Variants in ANO3 observed in about 807,000 individuals in gnomAD.
ANO3 encodes anoctamin 3.
Under a neutral mutation model 144.8 loss-of-function variants are expected in ANO3, and 99 were observed. The ratio of observed to expected loss-of-function variants is 0.68; its 90% CI spans 0.58 to 0.81. The LOEUF is 0.81. Among genes scored for constraint, ANO3 ranks in the 30% least tolerant of loss-of-function variants. The pLI is 0.00. For missense variants in ANO3, 905 were observed against 1,202.2 expected (o/e 0.75, Z 3.66); for synonymous variants, 414 against 392.6 (o/e 1.05, Z -0.64).
chr11:26,564,730 CACATATATATATATATATATATATATAT>C (rs1324673340), intron 14 of ANO3, among the ~76,000 whole-genome samples: 10 of 24,014 alleles, frequency 4.2e-4, no homozygotes, highest in Non-Finnish European at 7.1e-4. Flanking sequence ...CACACACACA[CACATATATATATATATATATATATATAT>C]ATATATATAT....
intron 1 of ANO3, among the ~76,000 whole-genome samples, chr11:26,258,398 A>G (rs1418152166): frequency 6.6e-6 from 1 of 152,180 alleles, no homozygotes; most frequent in Non-Finnish European, 1.5e-5. Flanking sequence ...TCTCTGCTCA[A>G]CATTGTGCTA....
intron 23 of ANO3, among the ~76,000 whole-genome samples, chr11:26,644,404 A>G (rs1332840509): frequency 5.3e-5 from 8 of 152,212 alleles, no homozygotes; most frequent in African/African-American, 1.9e-4. Flanking sequence ...GTACTTTGCT[A>G]TTATAAACAA....
At chr11:26,627,292 T>C (rs1308685109) in intron 18 of ANO3, among the ~76,000 whole-genome samples, 2 of 151,820 alleles carry the variant, frequency 1.3e-5, no homozygotes, top group African/African-American at 2.4e-5. Context: ...TGTTCTCTCT[T>C]CTTCTTCTCC....
intron 1 of ANO3, among the ~76,000 whole-genome samples, chr11:26,358,695 A>G (rs989424217): frequency 6.6e-6 from 1 of 152,060 alleles, no homozygotes; most frequent in African/African-American, 2.4e-5. Context: ...TAGTTTTTTA[A>G]TATCCCCCTT....
chr11:26,591,783 G>A (rs1417622481), intron 14 of ANO3, among the ~76,000 whole-genome samples: 1 of 152,158 alleles, frequency 6.6e-6, no homozygotes, highest in Non-Finnish European at 1.5e-5. Flanking sequence ...TTGAAGAGCA[G>A]GTGCAGATCC....
intron 1 of ANO3, among the ~76,000 whole-genome samples, chr11:26,430,434 C>T (rs1858053362): frequency 6.6e-6 from 1 of 151,998 alleles, no homozygotes; most frequent in Non-Finnish European, 1.5e-5. Context: ...TAAAATTGCA[C>T]AATTCTAAAA....
chr11:26,196,380 T>G (rs1851590123), intron 1 of ANO3, among the ~76,000 whole-genome samples: 2 of 152,150 alleles, frequency 1.3e-5, no homozygotes, highest in African/African-American at 2.4e-5. Flanking sequence ...TAAGCACAAC[T>G]CAGCATTTTA....
intron 1 of ANO3, among the ~76,000 whole-genome samples, chr11:26,382,487 A>T (rs958195194): frequency 6.6e-6 from 1 of 152,168 alleles, no homozygotes; most frequent in Non-Finnish European, 1.5e-5. Context: ...TCAGATAAAA[A>T]GAATTGCAGA....
At chr11:26,189,383 T>G (rs969980101) in intron 1 of ANO3, 2 of 912,694 alleles carry the variant, frequency 2.2e-6, no homozygotes, top group Non-Finnish European at 2.6e-6. Context: ...ATGTTTGTAC[T>G]TCTTTAATGT....
intron 1 of ANO3, among the ~76,000 whole-genome samples, chr11:26,276,731 A>C (rs1853568173): frequency 6.6e-6 from 1 of 152,122 alleles, no homozygotes; most frequent in African/African-American, 2.4e-5. Flanking sequence ...ACATAAAAAT[A>C]AAATTGGTTA....
chr11:26,268,666 T>C (rs1481449633), intron 1 of ANO3, among the ~76,000 whole-genome samples: 1 of 152,110 alleles, frequency 6.6e-6, no homozygotes, highest in Non-Finnish European at 1.5e-5. Flanking sequence ...GAAGGCCATG[T>C]TTACCATCTC....
At chr11:26,372,145 G>C (rs553751631) in intron 1 of ANO3, among the ~76,000 whole-genome samples, 5 of 151,998 alleles carry the variant, frequency 3.3e-5, no homozygotes, top group African/African-American at 1.2e-4. Flanking sequence ...GAATCATGAG[G>C]GTGGTTTTCC....
intron 1 of ANO3, among the ~76,000 whole-genome samples, chr11:26,315,712 C>T (rs867342888): frequency 1.0e-4 from 15 of 145,470 alleles, no homozygotes; most frequent in African/African-American, 3.8e-4. Context: ...TATCTATCTA[C>T]CTACCTACCT....
chr11:26,330,389 A>T (rs1485346927), upstream of ANO3, among the ~76,000 whole-genome samples: 2 of 152,150 alleles, frequency 1.3e-5, no homozygotes, highest in Non-Finnish European at 2.9e-5. Flanking sequence ...TGTGTTTTAG[A>T]TCTTCATTTG....
chr11:26,495,292 T>C (rs1860889305), intron 4 of ANO3, among the ~76,000 whole-genome samples: 1 of 140,652 alleles, frequency 7.1e-6, no homozygotes, highest in Non-Finnish European at 1.5e-5. Flanking sequence ...TTTTTTTCTG[T>C]AGAGATAGGG....
rs565987136 is a variant in ANO3, at chr11:26,659,584, C to A, written c.2764-678C>A. Reference sequence around the variant, plus strand: ...TAGTGGCAGGCAACTGTACTCCCAGCTACTTGGGAGTCTGAGGCAGGAGGA... The same window carrying A: ...TAGTGGCAGGCAACTGTACTCCCAGATACTTGGGAGTCTGAGGCAGGAGGA... On this transcript the variant is annotated intron_variant, in intron 26 of 26. Coordinates refer to ENST00000256737, the MANE Select transcript of ANO3 (RefSeq NM_031418.4). 2.0e-5 allele frequency among the ~76,000 whole-genome samples: 3 copies of A among 151,930 alleles called. No individual in the cohort carries two copies. The East Asian group carries it at 5.8e-4, about 29-fold the overall frequency.
At chr11:26,629,472 C>A (rs936491844) in intron 18 of ANO3, among the ~76,000 whole-genome samples, 2 of 152,188 alleles carry the variant, frequency 1.3e-5, no homozygotes, top group East Asian at 1.9e-4. Flanking sequence ...AATGTACTTA[C>A]TTCTGATTCT....
chr11:26,193,273 C>A (rs755088950), intron 1 of ANO3, among the ~76,000 whole-genome samples: 2 of 151,754 alleles, frequency 1.3e-5, no homozygotes. Context: ...TCCAGAGTAG[C>A]TGGGATTGCA....
intron 3 of ANO3, among the ~76,000 whole-genome samples, chr11:26,453,126 T>C (rs1398177902): frequency 1.3e-5 from 2 of 152,160 alleles, no homozygotes; most frequent in Non-Finnish European, 2.9e-5. Flanking sequence ...TGCAAAATCA[T>C]GCCAAAATGT....
Sources: allele counts gnomAD v4.1 joint callset (sites outside exome capture counted in the v4.1 genomes callset), GRCh38; gene constraint gnomAD v4.1.1; transcripts MANE v1.5; gene names NCBI Gene and HGNC (gene_info 2026-07-23, HGNC 2026-07-21).